The following NOTCH3 variants were observed in gnomAD, a reference collection of about 807,000 sequenced individuals.
NOTCH3 encodes the protein notch receptor 3.
A neutral mutation model predicts 213.3 loss-of-function variants in NOTCH3; 86 were observed. The ratio of observed to expected loss-of-function variants is 0.40; its 90% CI spans 0.34 to 0.48. The LOEUF is 0.48. NOTCH3 is among the 20% of genes least tolerant of loss of function. The pLI is 0.57. For missense variants in NOTCH3, 2,783 were observed against 3,272.6 expected (o/e 0.85, Z 3.65); for synonymous variants, 1,354 against 1,355.9 (o/e 1.00, Z 0.03).
chr19:15,184,538 C>T (rs761850060), intron 15 of NOTCH3, 88 bp from the exon 16 acceptor site: 47 of 1,350,318 alleles, frequency 3.5e-5, no homozygotes, highest in East Asian at 1.6e-4. Context: ...ACCTGCAGGC[C>T]GAGATGGGTG....
chr19:15,182,184 T>G (rs2046846732), intron 16 of NOTCH3, among the ~76,000 whole-genome samples: 1 of 151,972 alleles, frequency 6.6e-6, no homozygotes, highest in African/African-American at 2.4e-5. Flanking sequence ...AAATACATAC[T>G]GGGTTTCAGA....
intron 16 of NOTCH3, 89 bp from the exon 17 acceptor site, chr19:15,181,890 A>T: frequency 8.6e-7 from 1 of 1,166,632 alleles, no homozygotes; most frequent in Non-Finnish European, 1.2e-6. Flanking sequence ...AGAAGAATTC[A>T]GGAGGAAACC....
intron 2 of NOTCH3, 34 bp from the exon 3 acceptor site, chr19:15,192,553 G>C (rs1310129142): frequency 1.3e-6 from 2 of 1,556,654 alleles, no homozygotes; most frequent in African/African-American, 2.7e-5. Flanking sequence ...GGGCAGCACA[G>C]GGCAGGATGG....
rs1177268940 is a variant in NOTCH3, at chr19:15,160,778, T to A, written c.6850A>T (p.Thr2284Ser). The change falls in exon 33 of 33, where the codon ACT becomes TCT. Residue 2284 changes from threonine to serine, a missense_variant. By Grantham distance (58) the Thr-to-Ser change is moderately conservative. Coordinates refer to ENST00000263388, the MANE Select transcript of NOTCH3 (RefSeq NM_000435.3). ...AGTGGCTGGGCAGGCAGTGCCCCAG[T>A]GGTGGTGGCCATGGCCCCAGTGGCA... ...ATATGAMATT[T>S]GALPAQPLPL... The A allele has an allele frequency of 1.2e-6, 2 of 1,613,332 alleles. No homozygotes were observed. Among genetic ancestry groups the A allele is most frequent in the Non-Finnish European group, 1.7e-6 (2 of 1,179,576 alleles).
At chr19:15,164,648 C>T (rs1447415268) in intron 31 of NOTCH3, among the ~76,000 whole-genome samples, 1 of 152,014 alleles carries the variant, frequency 6.6e-6, no homozygotes, top group Non-Finnish European at 1.5e-5. Context: ...CTATATGTGG[C>T]CAGTGGCTAC....
Position 15,165,826 on chromosome 19 carries a change from C to G in NOTCH3, c.5628G>C (p.Leu1876=). Residue 1876 remains leucine (L), a synonymous_variant, in exon 30 of 33, where the codon CTG becomes CTC. Transcript: ENST00000263388. This position sits in a 1 kb window ranked among gnomAD's most constrained non-coding sequence, Gnocchi z 4.7. The part of the protein sequence containing the change: ...NAQDHSGRTP[L]HTAVTADAQG... Reference sequence around the variant, plus strand: ...GGGCATCGGCTGTGACAGCTGTGTGCAGGGGAGTGCGGCCTGAGTGGTCCT... The same window carrying G: ...GGGCATCGGCTGTGACAGCTGTGTGGAGGGGAGTGCGGCCTGAGTGGTCCT... 1 of 1,613,696 alleles carries G rather than the reference C, an allele frequency of 6.2e-7. No individual in the cohort carries two copies. Among genetic ancestry groups the G allele is most frequent in the Non-Finnish European group, 8.5e-7 (1 of 1,180,036 alleles).
rs778814028 is a variant in NOTCH3, at chr19:15,189,356, G to C, written c.1109C>G (p.Pro370Arg). 2 of 1,613,852 alleles carry C rather than the reference G, an allele frequency of 1.2e-6. No individual in the cohort carries two copies. The highest frequency in any genetic ancestry group is 2.7e-5 in the African/African-American group (2 of 74,920). ...GGTGCAAATGGCCCGGCCGTTCACC[G>C]GATTTGTGTCACAGATAGCATCCTC... ...CHEDAICDTNPVNGRAICTCP... is the reference protein window; with the variant it reads ...CHEDAICDTNRVNGRAICTCP... The change falls in exon 7 of 33, where the codon CCG becomes CGG. Residue 370 changes from proline to arginine, a missense_variant. Coordinates refer to ENST00000263388, the MANE Select transcript of NOTCH3 (RefSeq NM_000435.3).
At chr19:15,178,176 A>G in intron 23 of NOTCH3, 86 bp from the exon 24 acceptor site, 1 of 823,872 alleles carries the variant, frequency 1.2e-6, no homozygotes. Context: ...AGTGGGGAAA[A>G]GAAGAGTCAA....
At chr19:15,200,297 T>C (rs1489814597) in intron 1 of NOTCH3, among the ~76,000 whole-genome samples, 2 of 149,988 alleles carry the variant, frequency 1.3e-5, no homozygotes, top group African/African-American at 2.5e-5. Flanking sequence ...TGGGAAGTTT[T>C]CTCCGAGTTC....
chr19:15,194,474 T>C (rs2046954265), intron 2 of NOTCH3, among the ~76,000 whole-genome samples: 1 of 152,176 alleles, frequency 6.6e-6, no homozygotes, highest in Non-Finnish European at 1.5e-5. Context: ...ATTACTATTG[T>C]TCAAGCTACC....
At chr19:15,199,815 G>A (rs1420761819) in intron 1 of NOTCH3, among the ~76,000 whole-genome samples, 1 of 151,758 alleles carries the variant, frequency 6.6e-6, no homozygotes, top group African/African-American at 2.4e-5. Context: ...ACCCCGCCCA[G>A]CGCCAAGCCC....
intron 25 of NOTCH3, among the ~76,000 whole-genome samples, chr19:15,173,054 CTCTTCTTCTTCT>C (rs1219069116): frequency 1.8e-3 from 10 of 5,532 alleles, no homozygotes; most frequent in African/African-American, 3.9e-3. Flanking sequence ...TCCCTCCTCC[CTCTTCTTCTTCT>C]TCTTCTTCTT....
chr19:15,178,126 G>T, intron 23 of NOTCH3, 36 bp from the exon 24 acceptor site: 1 of 1,343,000 alleles, frequency 7.4e-7, no homozygotes, highest in East Asian at 2.7e-5. Flanking sequence ...GGATAAAAAT[G>T]AGGGTGGGGA....
At chr19:15,196,015 C>T (rs191165420) in intron 2 of NOTCH3, among the ~76,000 whole-genome samples, 1,893 of 115,590 alleles carry the variant, frequency 0.016, 52 homozygotes, top group African/African-American at 0.061. Flanking sequence ...GTGGGGGGGT[C>T]TTGGGGGATC....
Position 15,191,503 on chromosome 19 carries a change from G to A in NOTCH3, c.957C>T (p.Ala319=). 7 of 1,613,216 alleles carry A rather than the reference G, an allele frequency of 4.3e-6. No homozygotes were observed. Among genetic ancestry groups the A allele is most frequent in the Non-Finnish European group, 5.9e-6 (7 of 1,180,014 alleles). ...ESCSQNIDDC[A]TAVCFHGATC... ...TGGCCCCATGGAAGCACACGGCTGT[G>A]GCACAGTCATCGATATTCTGACTGC... Residue 319 remains alanine (A), a synonymous_variant, in exon 6 of 33, where the codon GCC becomes GCT. Coordinates refer to ENST00000263388, the MANE Select transcript of NOTCH3 (RefSeq NM_000435.3).
At chr19:15,188,204 C>T (rs747107179) in intron 9 of NOTCH3, 31 bp downstream of exon 9, 2 of 1,519,712 alleles carry the variant, frequency 1.3e-6, no homozygotes, top group Non-Finnish European at 1.8e-6. Flanking sequence ...CCAGACATGT[C>T]TTTTCGGGCT....
intron 31 of NOTCH3, among the ~76,000 whole-genome samples, chr19:15,164,210 T>A (rs747794320): frequency 7.2e-5 from 10 of 137,936 alleles, no homozygotes; most frequent in Admixed American, 1.5e-4. Context: ...GTTAATTATA[T>A]CTCAATAAAG....
chr19:15,194,911 C>G (rs751994098), intron 2 of NOTCH3, among the ~76,000 whole-genome samples: 1 of 146,008 alleles, frequency 6.8e-6, no homozygotes, highest in Non-Finnish European at 1.5e-5. Flanking sequence ...GAGCCAAGAT[C>G]GAGCCACTGC....
In NOTCH3 at chr19:15,181,689, G is replaced by A. The variant is rs768021714; in HGVS notation, c.2679C>T (p.Ser893=). Residue 893 remains serine (S), a synonymous_variant, in exon 17 of 33, where the codon AGC becomes AGT. Coordinates refer to ENST00000263388, the MANE Select transcript of NOTCH3 (RefSeq NM_000435.3). ...RCARDVDECL[S]NPCGPGTCTD... is the part of the protein sequence containing the mutation. ...TACAGGTGCCCGGGCCGCAGGGGTT[G>A]CTCAGGCACTCATCCACATCGCGGG... The A allele has an allele frequency of 5.0e-5, 78 of 1,560,742 alleles. No individual in the cohort carries two copies. The East Asian group carries it at 1.9e-3, about 37-fold the overall frequency.
Sources: allele counts gnomAD v4.1 joint callset (sites outside exome capture counted in the v4.1 genomes callset), GRCh38; gene constraint gnomAD v4.1.1; non-coding constraint Gnocchi (gnomAD v3.1); transcripts MANE v1.5; gene names NCBI Gene and HGNC (gene_info 2026-07-23, HGNC 2026-07-21).